ADAMTS3: variants seen among roughly 807,000 people sequenced by gnomAD.
ADAMTS3 encodes the protein A disintegrin and metalloproteinase with thrombospondin motifs 3.
ADAMTS3 carries 73 observed loss-of-function variants against 129.0 expected under a neutral mutation model. That is an observed-to-expected ratio of 0.57 (90% CI 0.47 to 0.69). The LOEUF is 0.69. ADAMTS3 is among the 30% of genes least tolerant of loss of function. The pLI, the probability that ADAMTS3 is intolerant of heterozygous loss-of-function variation, is 0.00. For synonymous variants in ADAMTS3, 477 were observed against 510.8 expected, an observed-to-expected ratio of 0.93 and a Z score of 0.89; for missense variants, 1,457 against 1,514.5, an observed-to-expected ratio of 0.96 and a Z score of 0.63.
rs148402745 is a variant in ADAMTS3, at chr4:72,316,522, C to G, written c.1486-551G>C. On this transcript the variant is annotated intron_variant, in intron 10 of 21. Coordinates refer to ENST00000286657, the MANE Select transcript of ADAMTS3 (RefSeq NM_014243.3). ...TCAACATAGTGAAACCCTGTCTCTA[C>G]TAAAAACACAAAAAAATTGGCCAGG... Among the ~76,000 whole-genome samples, 906 of 152,032 alleles carry G rather than the reference C, an allele frequency of 6.0e-3. 10 individuals carry two copies. The highest frequency in any genetic ancestry group is 0.021 in the African/African-American group (865 of 41,462).
At chr4:72,336,806 C>G (rs7661170) in intron 5 of ADAMTS3, among the ~76,000 whole-genome samples, 3,969 of 152,184 alleles carry the variant, frequency 0.026, 174 homozygotes, top group African/African-American at 0.091. Flanking sequence ...TGCTGAGCAG[C>G]ATCCCAGGCC....
intron 3 of ADAMTS3, among the ~76,000 whole-genome samples, chr4:72,480,071 A>C (rs535342588): frequency 2.6e-5 from 4 of 152,338 alleles, no homozygotes; most frequent in Admixed American, 2.0e-4. Flanking sequence ...ATGTGGAGAA[A>C]TAGGAACACT....
intron 4 of ADAMTS3, among the ~76,000 whole-genome samples, chr4:72,343,797 T>C (rs1720201916): frequency 6.6e-6 from 1 of 152,184 alleles, no homozygotes; most frequent in South Asian, 2.1e-4. Context: ...GCAGTGTTAT[T>C]AATCTCATGC....
chr4:72,340,279 G>A (rs1720100622), intron 4 of ADAMTS3, among the ~76,000 whole-genome samples: 1 of 151,520 alleles, frequency 6.6e-6, no homozygotes, highest in Non-Finnish European at 1.5e-5. Flanking sequence ...TGCTGCCAGC[G>A]AAGAAGTGGA....
chr4:72,533,584 C>T (rs1252621293), intron 3 of ADAMTS3, among the ~76,000 whole-genome samples: 1 of 36,670 alleles, frequency 2.7e-5, no homozygotes, highest in African/African-American at 1.4e-4. Flanking sequence ...CAGCGCAGTA[C>T]ATTTATATGT....
chr4:72,502,046 G>A (rs1173301041), intron 3 of ADAMTS3, among the ~76,000 whole-genome samples: 1 of 152,078 alleles, frequency 6.6e-6, no homozygotes, highest in Non-Finnish European at 1.5e-5. Flanking sequence ...TTGCATCTAT[G>A]TTTAACAGAG....
At chr4:72,383,528 T>A (rs1721354942) in intron 4 of ADAMTS3, among the ~76,000 whole-genome samples, 1 of 152,152 alleles carries the variant, frequency 6.6e-6, no homozygotes. Flanking sequence ...TCATAGAAGG[T>A]GACTTCCATA....
intron 4 of ADAMTS3, among the ~76,000 whole-genome samples, chr4:72,350,189 G>A (rs768771284): frequency 7.2e-5 from 11 of 151,902 alleles, no homozygotes; most frequent in Non-Finnish European, 1.6e-4. Context: ...ACTATTCTTA[G>A]TCTAAGGAAT....
At chr4:72,452,217 C>G (rs1229937202) in intron 3 of ADAMTS3, among the ~76,000 whole-genome samples, 1 of 151,642 alleles carries the variant, frequency 6.6e-6, no homozygotes. Flanking sequence ...AAAGTATTGA[C>G]CAGCTCTACA....
At chr4:72,360,334 C>CG (rs1307349611) in intron 4 of ADAMTS3, among the ~76,000 whole-genome samples, 1 of 151,906 alleles carries the variant, frequency 6.6e-6, no homozygotes, top group African/African-American at 2.4e-5. Flanking sequence ...CACAAATTCT[C>CG]GACCTGAATG....
intron 3 of ADAMTS3, among the ~76,000 whole-genome samples, chr4:72,543,754 A>G (rs1234706783): frequency 2.0e-5 from 3 of 152,172 alleles, no homozygotes; most frequent in Admixed American, 6.5e-5. Context: ...ATAGCATTTC[A>G]GTTTTGCAAA....
intron 3 of ADAMTS3, among the ~76,000 whole-genome samples, chr4:72,461,979 CA>C (rs1480856638): frequency 6.6e-6 from 1 of 151,904 alleles, no homozygotes; most frequent in Non-Finnish European, 1.5e-5. Flanking sequence ...ATAAATTTAT[CA>C]AGCATTTACT....
chr4:72,393,222 C>T (rs1721645706), intron 4 of ADAMTS3, among the ~76,000 whole-genome samples: 2 of 152,088 alleles, frequency 1.3e-5, no homozygotes, highest in African/African-American at 2.4e-5. Context: ...CCGCGCCTGG[C>T]CTCCATCAGA....
chr4:72,326,684 C>T (rs1334829216), intron 5 of ADAMTS3, among the ~76,000 whole-genome samples: 1 of 152,038 alleles, frequency 6.6e-6, no homozygotes, highest in Non-Finnish European at 1.5e-5. Context: ...ATCCCCCATC[C>T]ATGCACAAAG....
intron 3 of ADAMTS3, among the ~76,000 whole-genome samples, chr4:72,530,797 T>C (rs1436090800): frequency 1.1e-5 from 1 of 93,800 alleles, no homozygotes; most frequent in South Asian, 2.7e-4. Flanking sequence ...CATTATATAT[T>C]ATATATATTA....
At chr4:72,485,802 G>T (rs1719575514) in intron 3 of ADAMTS3, among the ~76,000 whole-genome samples, 1 of 152,140 alleles carries the variant, frequency 6.6e-6, no homozygotes, top group Admixed American at 6.6e-5. Context: ...GGGGGCCTTT[G>T]GGAGGTAATA....
intron 3 of ADAMTS3, among the ~76,000 whole-genome samples, chr4:72,498,252 A>G (rs950753433): frequency 6.6e-6 from 1 of 152,008 alleles, no homozygotes. Context: ...AACTCCTTAT[A>G]ACTTTTTAAG....
Position 72,470,376 on chromosome 4 carries a change from T to TATACAC in ADAMTS3, c.505-55406_505-55405insGTGTAT, listed in dbSNP as rs557625827. 2.2e-4 allele frequency among the ~76,000 whole-genome samples: 30 copies of TATACAC among 137,966 alleles called. 1 individual carries two copies. The highest frequency in any genetic ancestry group is 4.4e-4 in the Admixed American group (6 of 13,560). The allele number at this position is 137,966 out of a possible 152,430, so 90.5% of individuals were successfully genotyped here. ...TATTTTAAGTTTATATATATATATA[T>TATACAC]ACACACACACACACACACACACACA... On this transcript the variant is annotated intron_variant, in intron 3 of 21. Coordinates refer to ENST00000286657, the MANE Select transcript of ADAMTS3 (RefSeq NM_014243.3).
intron 3 of ADAMTS3, among the ~76,000 whole-genome samples, chr4:72,511,050 G>C (rs558021021): frequency 1.3e-5 from 2 of 152,200 alleles, no homozygotes; most frequent in Admixed American, 1.3e-4. Flanking sequence ...TCAATAAATG[G>C]TGCTGGGAAA....
Sources: gnomAD v4.1 joint callset for allele counts (sites outside exome capture counted in the v4.1 genomes callset) on GRCh38, gnomAD v4.1.1 for gene constraint, MANE v1.5 for transcripts, NCBI Gene and HGNC (gene_info 2026-07-23, HGNC 2026-07-21) for gene names.